The following POLR3A variants were observed in gnomAD, a reference collection of about 807,000 sequenced individuals.
POLR3A encodes the protein DNA-directed RNA polymerase III subunit RPC1.
A neutral mutation model predicts 152.8 loss-of-function variants in POLR3A; 112 were observed. The ratio of observed to expected loss-of-function variants is 0.73; its 90% CI spans 0.63 to 0.86. The LOEUF (loss-of-function observed/expected upper bound fraction) is 0.86. Among genes scored for constraint, POLR3A ranks in the 40% least tolerant of loss-of-function variants. The pLI is 0.00. For synonymous variants in POLR3A, 615 were observed against 652.1 expected, an observed-to-expected ratio of 0.94 and a Z score of 0.87; for missense variants, 1,385 against 1,743.1, an observed-to-expected ratio of 0.79 and a Z score of 3.66.
chr10:77,980,172 A>T lies in POLR3A; in HGVS notation c.3993T>A (p.Ala1331=). 6.2e-7 allele frequency: 1 copy of T among 1,614,086 alleles called. No homozygotes were observed. The highest frequency in any genetic ancestry group is 8.5e-7 in the Non-Finnish European group (1 of 1,179,928). Residue 1331 remains alanine, a synonymous_variant, in exon 30 of 31, where the codon GCT becomes GCA. Coordinates refer to ENST00000372371, the MANE Select transcript of POLR3A (RefSeq NM_007055.4). ...CAGAGTCCTTCTGCCCGAAGTAGGCAGCGTCAAAGAGATGGTCAGCCGTCT... is the reference window on the plus strand; with the variant it reads ...CAGAGTCCTTCTGCCCGAAGTAGGCTGCGTCAAAGAGATGGTCAGCCGTCT... The part of the protein sequence containing the change: ...FEKTADHLFD[A]AYFGQKDSVC...
chr10:78,025,968 T>C (rs1188528618), intron 2 of POLR3A, 126 bp downstream of exon 2: 12 of 1,280,212 alleles, frequency 9.4e-6, no homozygotes, highest in Admixed American at 9.1e-5. Context: ...GTTCTTGACC[T>C]AGTCTAATAT....
intron 16 of POLR3A, among the ~76,000 whole-genome samples, chr10:78,003,575 C>T (rs1312033200): frequency 6.6e-6 from 1 of 152,182 alleles, no homozygotes; most frequent in Non-Finnish European, 1.5e-5. Context: ...GACTATTAGA[C>T]ATGAATTCTC....
At chr10:78,028,557 G>A (rs1438346772) in intron 1 of POLR3A, among the ~76,000 whole-genome samples, 1 of 149,036 alleles carries the variant, frequency 6.7e-6, no homozygotes, top group Non-Finnish European at 1.5e-5. Flanking sequence ...GTCACTCAGG[G>A]TGGAATGCAG....
At position 78,017,605 on chromosome 10, in the gene POLR3A, C is replaced by T. The variant is rs142659442; in HGVS notation, c.1401G>A (p.Ser467=). The change falls in exon 10 of 31, where the codon TCG becomes TCA. Residue 467 remains serine (S), a synonymous_variant. Coordinates refer to ENST00000372371, the MANE Select transcript of POLR3A (RefSeq NM_007055.4). ...GDVVLFNRQP[S]LHKLSIMAHL... is the part of the protein sequence containing the mutation. ...GAGCCATAATGCTCAATTTGTGCAG[C>T]GAGGGCTGCCGATTGAACAGCACCA... 133 of 1,614,062 alleles carry T rather than the reference C, an allele frequency of 8.2e-5. No homozygotes were observed. Among genetic ancestry groups the T allele is most frequent in the Admixed American group, 1.8e-4 (11 of 60,002 alleles).
chr10:78,024,930 TGAAAAGGGCTATTG>T, intron 4 of POLR3A, 27 bp downstream of exon 4: 1 of 1,603,072 alleles, frequency 6.2e-7, no homozygotes, highest in African/African-American at 1.3e-5. Flanking sequence ...AGACAGTGAG[TGAAAAGGGCTATTG>T]CTTAGCCTTC....
chr10:78,026,460 A>T (rs1847635719), intron 1 of POLR3A, among the ~76,000 whole-genome samples: 1 of 152,170 alleles, frequency 6.6e-6, no homozygotes, highest in Admixed American at 6.5e-5. Context: ...CACCAAGGCC[A>T]CCTAGACAAC....
At chr10:77,995,185 C>T (rs1396511776) in intron 19 of POLR3A, among the ~76,000 whole-genome samples, 7 of 152,140 alleles carry the variant, frequency 4.6e-5, no homozygotes, top group Non-Finnish European at 7.3e-5. Context: ...AAGGAATAAC[C>T]GGTACCAGCC....
chr10:77,983,783 G>A (rs975359427), intron 26 of POLR3A, 137 bp downstream of exon 26: 3 of 704,552 alleles, frequency 4.3e-6, no homozygotes, highest in Non-Finnish European at 7.8e-6. Context: ...GGGGACAACA[G>A]AATCACAAAA....
intron 21 of POLR3A, among the ~76,000 whole-genome samples, chr10:77,989,207 T>C (rs1346809152): frequency 6.6e-6 from 1 of 152,210 alleles, no homozygotes; most frequent in Non-Finnish European, 1.5e-5. Context: ...ACTCACAACA[T>C]GGCTATTGGC....
intron 20 of POLR3A, among the ~76,000 whole-genome samples, chr10:77,992,405 A>G (rs897520294): frequency 4.0e-5 from 6 of 149,552 alleles, no homozygotes; most frequent in Non-Finnish European, 7.4e-5. Flanking sequence ...AGTAGCTGGA[A>G]CTTTAGGAGC....
Position 78,003,778 on chromosome 10 carries a change from A to T in POLR3A, c.2247+938T>A, listed in dbSNP as rs180768110. Among the ~76,000 whole-genome samples, 118 of 151,938 alleles carry T rather than the reference A, an allele frequency of 7.8e-4. 1 individual carries two copies. In the East Asian group the frequency reaches 0.016, roughly 20 times the overall value. On this transcript the variant is annotated intron_variant, in intron 16 of 30. Coordinates refer to ENST00000372371, the MANE Select transcript of POLR3A (RefSeq NM_007055.4). ...CCTCTACTAAAAATGCAAAAAAAAAATTAGCTGGGCATGGTGGTGGGCGCC... is the reference window on the plus strand; with the variant it reads ...CCTCTACTAAAAATGCAAAAAAAAATTTAGCTGGGCATGGTGGTGGGCGCC...
At chr10:77,999,865 A>C in intron 19 of POLR3A, 116 bp downstream of exon 19, 1 of 1,064,250 alleles carries the variant, frequency 9.4e-7, no homozygotes, top group Non-Finnish European at 1.4e-6. Flanking sequence ...TTTCCTTTTA[A>C]ATTTAACCCA....
At position 77,982,157 on chromosome 10, in the gene POLR3A, A is replaced by G; in HGVS notation, c.3756T>C (p.Tyr1252=). The part of the protein sequence containing the change: ...KGTRTTSNNT[Y]EVEKTLGIEA... ...GACCCCGTGGGCTGAGTGGTACCTC[A>G]TAGGTGTTATTGGAGGTGGTTCGGG... is the stretch of plus-strand genomic sequence containing the variant. The change falls in exon 28 of 31, where the codon TAT becomes TAC. Residue 1252 remains tyrosine (Y), a synonymous_variant. Transcript: ENST00000372371. 1 of 1,613,370 alleles carries G rather than the reference A, an allele frequency of 6.2e-7. No individual in the cohort carries two copies. The highest frequency in any genetic ancestry group is 8.5e-7 in the Non-Finnish European group (1 of 1,179,866).
In POLR3A at chr10:77,984,291, T is replaced by C. The variant is rs771337279; in HGVS notation, c.3250A>G (p.Ile1084Val). The change falls in exon 25 of 31, where the codon ATT becomes GTT. Residue 1084 changes from isoleucine to valine, a missense_variant. Transcript: ENST00000372371. ...INASKAISTPIITAQLDKDDD... is the reference protein window; with the variant it reads ...INASKAISTPVITAQLDKDDD... ...TCCTTGTCTAGCTGTGCTGTGATAATTGGAGTGCTGTTGAGAAGCAAAGGA... is the reference window on the plus strand; with the variant it reads ...TCCTTGTCTAGCTGTGCTGTGATAACTGGAGTGCTGTTGAGAAGCAAAGGA... 4 of 1,608,478 alleles carry C rather than the reference T, an allele frequency of 2.5e-6. No homozygotes were observed. Among genetic ancestry groups the C allele is most frequent in the African/African-American group, 1.3e-5 (1 of 74,898 alleles).
rs746450573 is a variant in POLR3A, at chr10:78,000,966, T to C, written c.2478+10A>G. The stretch of plus-strand genomic sequence containing the variant: ...ATCTTCACAGTTCTACCTGATCTGC[T>C]ACTGCTTACCTTTGAGTGTTTTTCA... On this transcript the variant is annotated intron_variant, in intron 18 of 30. Transcript: ENST00000372371. 3.6e-6 allele frequency: 5 copies of C among 1,370,236 alleles called. No homozygotes were observed. The highest frequency in any genetic ancestry group is 4.2e-6 in the Non-Finnish European group (4 of 963,180). The allele number at this position is 1,370,236 out of a possible 1,614,324, so 84.9% of individuals were successfully genotyped here. A position where few individuals can be genotyped will look rare whatever the true frequency, so the allele number is the denominator to read the frequency against.
intron 8 of POLR3A, 152 bp downstream of exon 8, chr10:78,021,394 G>T: frequency 1.4e-6 from 1 of 738,074 alleles, no homozygotes; most frequent in Non-Finnish European, 2.4e-6. Flanking sequence ...TATGTATAAA[G>T]CAAACTGGGA....
chr10:77,979,055 G>A (rs543264027), intron 30 of POLR3A, among the ~76,000 whole-genome samples: 2 of 143,580 alleles, frequency 1.4e-5, no homozygotes, highest in South Asian at 2.3e-4. Context: ...TCAAGTGATC[G>A]TCCTGCCTCA....
chr10:77,979,706 G>C (rs1847121909), intron 30 of POLR3A, among the ~76,000 whole-genome samples: 1 of 152,174 alleles, frequency 6.6e-6, no homozygotes, highest in Non-Finnish European at 1.5e-5. Context: ...TATGATGCCT[G>C]GCACAGGGGC....
intron 27 of POLR3A, 99 bp from the exon 28 acceptor site, chr10:77,982,417 C>T: frequency 8.6e-7 from 1 of 1,165,984 alleles, no homozygotes; most frequent in Middle Eastern, 2.0e-4. Context: ...CATCTGTTAA[C>T]ACACTAGAGC....
Sources: gnomAD v4.1 joint callset for allele counts (sites outside exome capture counted in the v4.1 genomes callset) on GRCh38, gnomAD v4.1.1 for gene constraint, MANE v1.5 for transcripts, NCBI Gene and HGNC (gene_info 2026-07-23, HGNC 2026-07-21) for gene names.